HDC: variants seen among roughly 807,000 people sequenced by gnomAD.
HDC encodes the protein histidine decarboxylase.
Under a neutral mutation model 64.4 loss-of-function variants are expected in HDC, and 27 were observed. The observed-to-expected ratio is 0.42, with a 90% confidence interval of 0.31 to 0.58. The LOEUF is 0.58. HDC is among the 20% of genes least tolerant of loss of function. The pLI is 0.16. For synonymous variants in HDC, 305 were observed against 314.2 expected, an observed-to-expected ratio of 0.97 and a Z score of 0.31; for missense variants, 711 against 833.9, an observed-to-expected ratio of 0.85 and a Z score of 1.81.
intron 7 of HDC, 118 bp from the exon 8 acceptor site, chr15:50,252,892 C>T (rs939554788): frequency 5.3e-5 from 56 of 1,051,192 alleles, no homozygotes; most frequent in East Asian, 5.2e-4. Context: ...AAATGAGAAA[C>T]GGAGGGGTGT....
At chr15:50,264,046 A>G (rs890648866) in intron 1 of HDC, among the ~76,000 whole-genome samples, 1 of 152,188 alleles carries the variant, frequency 6.6e-6, no homozygotes, top group African/African-American at 2.4e-5. Flanking sequence ...CAGAACATCT[A>G]TTAACTATTT....
intron 2 of HDC, among the ~76,000 whole-genome samples, chr15:50,259,621 T>C (rs532125479): frequency 1.1e-4 from 17 of 152,326 alleles, no homozygotes; most frequent in Admixed American, 7.8e-4. Flanking sequence ...AGGCACTCTC[T>C]ATAAAGACAT....
At chr15:50,252,843 A>C (rs1350788715) in intron 7 of HDC, 69 bp from the exon 8 acceptor site, 1 of 1,483,064 alleles carries the variant, frequency 6.7e-7, no homozygotes, top group African/African-American at 1.4e-5. Context: ...GCACCTGGCC[A>C]AGCTGAGTGG....
At chr15:50,256,573 G>C (rs753315757) in intron 4 of HDC, among the ~76,000 whole-genome samples, 10 of 152,136 alleles carry the variant, frequency 6.6e-5, no homozygotes, top group Non-Finnish European at 1.3e-4. Flanking sequence ...TGTTTGGAGA[G>C]ATCAGGTTTC....
intron 1 of HDC, among the ~76,000 whole-genome samples, chr15:50,265,178 T>C (rs898197691): frequency 1.3e-4 from 20 of 152,314 alleles, no homozygotes; most frequent in African/African-American, 4.3e-4. Flanking sequence ...ACACTGCTGA[T>C]AGATTCACAC....
chr15:50,248,368 C>T lies in HDC; in HGVS notation c.1042-25G>A. 6.4e-7 allele frequency: 1 copy of T among 1,562,632 alleles called. No homozygotes were observed. Among genetic ancestry groups the T allele is most frequent in the Non-Finnish European group, 8.8e-7 (1 of 1,133,808 alleles). Reference sequence around the variant, plus strand: ...GCTAGAAACAAAGGAACACAGTGCCCAAGGTTAGAGACAAGGGTGCCCCAC... The same window carrying T: ...GCTAGAAACAAAGGAACACAGTGCCTAAGGTTAGAGACAAGGGTGCCCCAC... On this transcript the variant is annotated intron_variant, in intron 9 of 11. Transcript: ENST00000267845. This position sits in a 1 kb window ranked among gnomAD's most constrained non-coding sequence, Gnocchi z 4.3.
At chr15:50,253,012 G>C in intron 7 of HDC, 1 of 572,388 alleles carries the variant, frequency 1.7e-6, no homozygotes, top group Non-Finnish European at 3.1e-6. Flanking sequence ...TCTTCCACTG[G>C]GTAAAGGGCC....
rs565286790 is a variant in HDC at position 50,245,681 on chromosome 15, G to A, written c.1141-2437C>T. Among the ~76,000 whole-genome samples the A allele has an allele frequency of 2.0e-5, 3 of 152,204 alleles. No homozygotes were observed. In the South Asian group the frequency reaches 6.2e-4, roughly 32 times the overall value. On this transcript the variant is annotated intron_variant, in intron 10 of 11. Coordinates refer to ENST00000267845, the MANE Select transcript of HDC (RefSeq NM_002112.4). Reference sequence around the variant, plus strand: ...AGGCCAAGGTAGGCAGATTGCTTGAGCCCAGGAGCGTGAGAACAACCTGGG... The same window carrying A: ...AGGCCAAGGTAGGCAGATTGCTTGAACCCAGGAGCGTGAGAACAACCTGGG...
intron 6 of HDC, 139 bp downstream of exon 6, chr15:50,253,991 A>C (rs2140935041): frequency 2.3e-6 from 2 of 868,370 alleles, no homozygotes; most frequent in East Asian, 5.0e-5. Flanking sequence ...TATGGATAGC[A>C]CCTCATGATG....
rs752628533 is a variant in HDC at position 50,254,530 on chromosome 15, C to T, written c.576G>A (p.Gln192=). Reference sequence around the variant, plus strand: ...GGCTGTCCTGCGTCGGGCAACTCACCTGGTCAGAGGCATAGGCCACGAGTC... The same window carrying T: ...GGCTGTCCTGCGTCGGGCAACTCACTTGGTCAGAGGCATAGGCCACGAGTC... ...NARLVAYASD[Q]AHSSVEKAGL... is the part of the protein sequence containing the mutation. Residue 192 remains glutamine, a splice_region_variant and synonymous_variant, in exon 5 of 12, where the codon CAG becomes CAA. Coordinates refer to ENST00000267845, the MANE Select transcript of HDC (RefSeq NM_002112.4). 6.2e-7 allele frequency: 1 copy of T among 1,614,246 alleles called. No individual in the cohort carries two copies. Among genetic ancestry groups the T allele is most frequent in the South Asian group, 1.1e-5 (1 of 91,088 alleles).
At chr15:50,260,601 G>C (rs2045689876) in intron 2 of HDC, among the ~76,000 whole-genome samples, 1 of 152,222 alleles carries the variant, frequency 6.6e-6, no homozygotes, top group Non-Finnish European at 1.5e-5. Context: ...CACCATGTAA[G>C]AGTCATGATC....
At chr15:50,249,868 T>C (rs1468341968) in intron 9 of HDC, among the ~76,000 whole-genome samples, 2 of 152,358 alleles carry the variant, frequency 1.3e-5, no homozygotes, top group Admixed American at 1.3e-4. Context: ...GTTGCTCCTT[T>C]TCTTGTCACT....
chr15:50,252,784 C>A lies in HDC; in HGVS notation c.788-10G>T, dbSNP rs1377383171. 5.6e-6 allele frequency: 9 copies of A among 1,610,072 alleles called. No homozygotes were observed. The highest frequency in any genetic ancestry group is 1.3e-5 in the African/African-American group (1 of 74,866). On this transcript the variant is annotated splice_polypyrimidine_tract_variant and intron_variant, in intron 7 of 11. Coordinates refer to ENST00000267845, the MANE Select transcript of HDC (RefSeq NM_002112.4). ...AGCCCCTCACGGGCACCTGAGGAGG[C>A]AAACATCACCTGGCCGGAGGGGAGG...
chr15:50,263,776 G>T (rs114121839), intron 1 of HDC, among the ~76,000 whole-genome samples: 1 of 152,080 alleles, frequency 6.6e-6, no homozygotes, highest in Admixed American at 6.5e-5. Context: ...CTCCAGCCTG[G>T]ACTCAAAAAA....
rs1567450668 is a variant in HDC at position 50,252,783 on chromosome 15, G to A, written c.788-9C>T. 2 of 1,610,482 alleles carry A rather than the reference G, an allele frequency of 1.2e-6. No individual in the cohort carries two copies. Among genetic ancestry groups the A allele is most frequent in the South Asian group, 2.2e-5 (2 of 90,552 alleles). ...CAGCCCCTCACGGGCACCTGAGGAG[G>A]CAAACATCACCTGGCCGGAGGGGAG... On this transcript the variant is annotated splice_polypyrimidine_tract_variant and intron_variant, in intron 7 of 11. Transcript: ENST00000267845.
intron 4 of HDC, among the ~76,000 whole-genome samples, chr15:50,256,360 C>A (rs1018079244): frequency 6.6e-6 from 1 of 152,184 alleles, no homozygotes; most frequent in Non-Finnish European, 1.5e-5. Context: ...ACCTAGTGAA[C>A]TTCCTGGTTC....
chr15:50,254,316 AAT>A (rs776915683), intron 5 of HDC, 43 bp from the exon 6 acceptor site: 15 of 1,611,854 alleles, frequency 9.3e-6, no homozygotes, highest in Non-Finnish European at 1.3e-5. Flanking sequence ...GTCATCCTGG[AAT>A]GATCACCCCC....
rs767555993 is a variant in HDC, at chr15:50,252,473, A to G, written c.998T>C (p.Ile333Thr). ...GCCTGAGTTGGCATGCCTGAGGTAGATGGGATTCACACTGAAGGTCTGCTG... is the reference window on the plus strand; with the variant it reads ...GCCTGAGTTGGCATGCCTGAGGTAGGTGGGATTCACACTGAAGGTCTGCTG... ...KLQQTFSVNP[I>T]YLRHANSGVA... is the part of the protein sequence containing the mutation. Residue 333 changes from isoleucine (I) to threonine (T), a missense_variant, in exon 9 of 12, where the codon ATC becomes ACC. Physicochemically the swap from Ile to Thr is moderately conservative, Grantham distance 89 (BLOSUM62 -1). Around this residue, in one of 3 missense-constraint regions of HDC, gnomAD observed 483 missense variants for 540.9 expected, o/e 0.89. Transcript: ENST00000267845. 2 of 1,614,180 alleles carry G rather than the reference A, an allele frequency of 1.2e-6. No individual in the cohort carries two copies. The highest frequency in any genetic ancestry group is 8.5e-7 in the Non-Finnish European group (1 of 1,180,038).
chr15:50,261,813 G>T (rs992069599), intron 2 of HDC, among the ~76,000 whole-genome samples: 1 of 151,466 alleles, frequency 6.6e-6, no homozygotes, highest in Non-Finnish European at 1.5e-5. Flanking sequence ...GGGTTCAAGC[G>T]ATTCTCCTAC....
Sources: gnomAD v4.1 joint callset for allele counts (sites outside exome capture counted in the v4.1 genomes callset) on GRCh38, gnomAD v4.1.1 for gene constraint, gnomAD v4.1.1 regional missense constraint, Gnocchi (gnomAD v3.1) non-coding constraint, MANE v1.5 for transcripts, NCBI Gene and HGNC (gene_info 2026-07-23, HGNC 2026-07-21) for gene names.